The following SCLT1 variants were observed in gnomAD, a reference collection of about 807,000 sequenced individuals.
SCLT1 encodes the protein sodium channel and clathrin linker 1.
SCLT1 carries 78 observed loss-of-function variants against 112.8 expected under a neutral mutation model. The observed-to-expected ratio is 0.69, with a 90% CI of 0.58 to 0.83. The LOEUF is 0.83. SCLT1 is among the 40% of genes least tolerant of loss of function. The probability of loss-of-function intolerance (pLI) is 0.00; values close to 1 mark genes in which losing one functional copy is unlikely to be tolerated. For missense variants in SCLT1, 747 were observed against 770.4 expected, an observed-to-expected ratio of 0.97 and a Z score of 0.36; for synonymous variants, 257 against 254.7, an observed-to-expected ratio of 1.01 and a Z score of -0.09.
intron 2 of SCLT1, among the ~76,000 whole-genome samples, chr4:129,070,692 T>A (rs540078895): frequency 6.6e-6 from 1 of 152,144 alleles, no homozygotes; most frequent in African/African-American, 2.4e-5. Context: ...ATTTTATTTA[T>A]CCCTTCAAGG....
chr4:128,997,628 T>C (rs1743121716), intron 8 of SCLT1, among the ~76,000 whole-genome samples: 1 of 151,856 alleles, frequency 6.6e-6, no homozygotes, highest in Admixed American at 6.6e-5. Context: ...ACTGTCTAGA[T>C]TAGTCTAAGG....
At chr4:129,058,199 T>G (rs975716588) in intron 2 of SCLT1, among the ~76,000 whole-genome samples, 1 of 152,226 alleles carries the variant, frequency 6.6e-6, no homozygotes, top group African/African-American at 2.4e-5. Flanking sequence ...TCTTTTGTAT[T>G]GGTTTTTTAG....
At position 129,010,291 on chromosome 4, in the gene SCLT1, AG is replaced by A. The variant is rs577507651; in HGVS notation, c.291-6416del. Among the ~76,000 whole-genome samples the A allele has an allele frequency of 4.9e-4, 75 of 152,268 alleles. No individual in the cohort carries two copies. The South Asian group carries it at 5.0e-3, about 10-fold the overall frequency. On this transcript the variant is annotated intron_variant, in intron 5 of 20. Transcript: ENST00000281142. ...TGGTCTATGTGCCCGTTTTTGTACC[AG>A]TAGCATGCTGTTTTGGTTACTGTAG...
chr4:129,092,795 C>T (rs991068682), intron 1 of SCLT1, among the ~76,000 whole-genome samples: 1 of 152,184 alleles, frequency 6.6e-6, no homozygotes, highest in African/African-American at 2.4e-5. Context: ...TCCTGCTGGC[C>T]ATTAGCCTTC....
chr4:128,989,803 TAAG>T lies in SCLT1; in HGVS notation c.686+2361_686+2363del, dbSNP rs199878328. Among the ~76,000 whole-genome samples the T allele has an allele frequency of 6.5e-3, 981 of 151,704 alleles. 5 individuals carry two copies. The highest frequency in any genetic ancestry group is 0.016 in the African/African-American group (675 of 41,496). On this transcript the variant is annotated intron_variant, in intron 9 of 20. Transcript: ENST00000281142. ...GAAACCACAAAAATTCAAAATATCA[TAAG>T]AAACTATTATGAGCAACTATATGCC...
At chr4:128,875,164 A>G (rs908408482) in intron 4 of SCLT1, 1 of 152,588 alleles carries the variant, frequency 6.6e-6, no homozygotes, top group Non-Finnish European at 1.5e-5. Flanking sequence ...TTGTTGAACT[A>G]TTTAGTAGAA....
chr4:128,931,297 CT>C (rs1736739573), intron 18 of SCLT1, among the ~76,000 whole-genome samples: 1 of 152,100 alleles, frequency 6.6e-6, no homozygotes, highest in South Asian at 2.1e-4. Context: ...AGAATAATCT[CT>C]GTGGGAATAG....
chr4:128,939,065 G>C (rs1737456390), intron 17 of SCLT1, among the ~76,000 whole-genome samples: 1 of 152,158 alleles, frequency 6.6e-6, no homozygotes, highest in African/African-American at 2.4e-5. Context: ...TGGCTGCCTA[G>C]TTAACTCCCC....
rs185104513 is a variant in SCLT1, at chr4:129,032,746, T to C, written c.290+6295A>G. Among the ~76,000 whole-genome samples the C allele has an allele frequency of 5.5e-3, 833 of 151,690 alleles. 6 individuals carry two copies. The highest frequency in any genetic ancestry group is 0.019 in the African/African-American group (793 of 41,514). ...AACATGAAAAAAAGCTCATGATCAC[T>C]GGTCATTAGAGAAATGCGAATCAGA... On this transcript the variant is annotated intron_variant, in intron 5 of 20. Coordinates refer to ENST00000281142, the MANE Select transcript of SCLT1 (RefSeq NM_144643.4).
intron 1 of SCLT1, among the ~76,000 whole-genome samples, chr4:129,089,958 C>A (rs909339154): frequency 5.9e-5 from 9 of 152,104 alleles, no homozygotes; most frequent in African/African-American, 1.9e-4. Flanking sequence ...CATGAGTATA[C>A]CTATGTAACA....
intron 14 of SCLT1, among the ~76,000 whole-genome samples, chr4:128,950,572 C>T: frequency 6.6e-6 from 1 of 152,066 alleles, no homozygotes; most frequent in East Asian, 1.9e-4. Flanking sequence ...GATATTTTTT[C>T]AGGTACTCAT....
chr4:128,880,858 AG>A (rs1732625551), downstream of SCLT1, among the ~76,000 whole-genome samples: 2 of 152,148 alleles, frequency 1.3e-5, no homozygotes, highest in South Asian at 4.1e-4. Flanking sequence ...GAAAAGAGAA[AG>A]GGTACATAGT....
At chr4:129,003,947 T>A (rs112286296) in intron 5 of SCLT1, 71 bp from the exon 6 acceptor site, 55 of 1,393,406 alleles carry the variant, frequency 3.9e-5, no homozygotes, top group African/African-American at 3.7e-4. Flanking sequence ...TCGAGGTCAA[T>A]TAAACATTTG....
In SCLT1 at chr4:128,943,076, G is replaced by C; in HGVS notation, c.1552C>G (p.Gln518Glu). Residue 518 changes from glutamine to glutamate, a missense_variant, in exon 17 of 21, where the codon CAA (glutamine) becomes GAA (glutamate). By Grantham distance (29) the Gln-to-Glu change is conservative. This residue lies in a region of SCLT1 where 723 missense variants were observed against 721.3 expected (regional missense o/e 1.00). Transcript: ENST00000281142. ...TCTTTCCGTAACTGTTTATTTTCTT[G>C]CTGAAGTTTTAGCCTTTGTTCACTG... is the stretch of plus-strand genomic sequence containing the variant. ...LVSEQRLKLQ[Q>E]ENKQLRKETE... 2 of 1,612,688 alleles carry C rather than the reference G, an allele frequency of 1.2e-6. No homozygotes were observed. The highest frequency in any genetic ancestry group is 1.7e-6 in the Non-Finnish European group (2 of 1,179,270).
intron 15 of SCLT1, 58 bp from the exon 16 acceptor site, chr4:128,946,210 GT>G (rs1738150561): frequency 5.3e-6 from 6 of 1,126,264 alleles, no homozygotes; most frequent in Non-Finnish European, 7.6e-6. Context: ...TTAATAAACA[GT>G]TTAGAAACAG....
chr4:129,009,565 A>C (rs1190251915), intron 5 of SCLT1, among the ~76,000 whole-genome samples: 1 of 151,822 alleles, frequency 6.6e-6, no homozygotes, highest in Non-Finnish European at 1.5e-5. Flanking sequence ...CTAGTGGCTG[A>C]ACTAGTTTCT....
intron 18 of SCLT1, among the ~76,000 whole-genome samples, chr4:128,910,249 C>T (rs770733739): frequency 6.6e-5 from 10 of 152,178 alleles, no homozygotes; most frequent in Non-Finnish European, 1.3e-4. Flanking sequence ...TCCTGTTTCC[C>T]CATGTATTTG....
intron 9 of SCLT1, chr4:128,970,828 A>G: frequency 6.0e-6 from 1 of 165,398 alleles, no homozygotes; most frequent in Non-Finnish European, 1.3e-5. Context: ...TATGTCTATA[A>G]TATCTTTATA....
chr4:128,881,162 G>T (rs1346564617), downstream of SCLT1, among the ~76,000 whole-genome samples: 3 of 152,088 alleles, frequency 2.0e-5, no homozygotes, highest in Admixed American at 2.0e-4. Context: ...GTTTTTATCT[G>T]TAACTTCAGG....
Sources: gnomAD v4.1 joint callset for allele counts (sites outside exome capture counted in the v4.1 genomes callset) on GRCh38, gnomAD v4.1.1 for gene constraint, gnomAD v4.1.1 regional missense constraint, MANE v1.5 for transcripts, NCBI Gene and HGNC (gene_info 2026-07-23, HGNC 2026-07-21) for gene names.